CPS1: variants seen among roughly 807,000 people sequenced by gnomAD.
The protein encoded by CPS1 is carbamoyl-phosphate synthase [ammonia], mitochondrial.
Under a neutral mutation model 174.6 loss-of-function variants are expected in CPS1, and 109 were observed. The ratio of observed to expected loss-of-function variants is 0.62; its 90% CI spans 0.53 to 0.73. The LOEUF (loss-of-function observed/expected upper bound fraction) is 0.73. Ranked by LOEUF, CPS1 falls within the 30% of genes least tolerant of loss-of-function variation. The pLI is 0.00. For synonymous variants in CPS1, 637 were observed against 632.0 expected (o/e 1.01, Z -0.12); for missense variants, 1,689 against 1,821.9 (o/e 0.93, Z 1.33).
intron 1 of CPS1, among the ~76,000 whole-genome samples, chr2:210,516,955 C>T (rs1185967993): frequency 2.0e-5 from 3 of 151,910 alleles, no homozygotes; most frequent in East Asian, 1.9e-4. Flanking sequence ...AAAATATTAG[C>T]TTGCTTTTTC....
chr2:210,489,720 A>T (rs918990809), intron 1 of CPS1, among the ~76,000 whole-genome samples: 3 of 152,226 alleles, frequency 2.0e-5, no homozygotes, highest in African/African-American at 7.2e-5. Context: ...GCTTTCTTCC[A>T]TACTATTATA....
chr2:210,515,507 G>A (rs1026897906), intron 1 of CPS1, among the ~76,000 whole-genome samples: 3 of 151,188 alleles, frequency 2.0e-5, no homozygotes, highest in Non-Finnish European at 4.4e-5. Flanking sequence ...GTTCATAGTC[G>A]TCTCTGAGAA....
intron 25 of CPS1, among the ~76,000 whole-genome samples, chr2:210,646,682 C>T (rs756545183): frequency 1.2e-4 from 19 of 152,102 alleles, no homozygotes; most frequent in Admixed American, 2.6e-4. Flanking sequence ...TATACACTTA[C>T]GGTATATAGG....
At chr2:210,604,611 C>T (rs547887509) in intron 16 of CPS1, among the ~76,000 whole-genome samples, 8 of 151,998 alleles carry the variant, frequency 5.3e-5, no homozygotes, top group African/African-American at 1.9e-4. Flanking sequence ...CTTGGCTAAC[C>T]GTTTACAACC....
intron 7 of CPS1, among the ~76,000 whole-genome samples, chr2:210,589,091 C>G (rs1698201928): frequency 6.6e-6 from 1 of 152,032 alleles, no homozygotes; most frequent in African/African-American, 2.4e-5. Flanking sequence ...CAGTGTTTAA[C>G]CACCCTGGCT....
chr2:210,668,823 C>T lies in CPS1; in HGVS notation c.4101+539C>T, dbSNP rs1460050333. ...GCTGGATACCTCCACTTGAATATCT[C>T]AAATCCAACGTTTCTCAAACTGAAG... On this transcript the variant is annotated intron_variant, in intron 34 of 37. Coordinates refer to ENST00000233072, the MANE Select transcript of CPS1 (RefSeq NM_001875.5). Among the ~76,000 whole-genome samples, 3 of 152,258 alleles carry T rather than the reference C, an allele frequency of 2.0e-5. No individual in the cohort carries two copies. The South Asian group carries it at 6.2e-4, about 32-fold the overall frequency.
chr2:210,505,101 T>G (rs945628157), intron 1 of CPS1, among the ~76,000 whole-genome samples: 1 of 152,014 alleles, frequency 6.6e-6, no homozygotes, highest in Non-Finnish European at 1.5e-5. Flanking sequence ...TAATTCATGC[T>G]GTATTGGGCA....
intron 1 of CPS1, among the ~76,000 whole-genome samples, chr2:210,563,652 T>G (rs1482459830): frequency 3.3e-5 from 5 of 152,216 alleles, no homozygotes; most frequent in Non-Finnish European, 7.3e-5. Flanking sequence ...GCTGATGGGT[T>G]GTGAAACAAT....
intron 34 of CPS1, among the ~76,000 whole-genome samples, chr2:210,671,218 C>T (rs1287796043): frequency 1.3e-5 from 2 of 152,122 alleles, no homozygotes; most frequent in African/African-American, 2.4e-5. Context: ...TGTGGAGTGG[C>T]AAGTACCAAT....
chr2:210,623,798 T>C (rs1015228771), intron 21 of CPS1, among the ~76,000 whole-genome samples: 3 of 152,160 alleles, frequency 2.0e-5, no homozygotes, highest in African/African-American at 7.2e-5. Flanking sequence ...TGCTAACTTC[T>C]ATTGACTTTT....
chr2:210,558,109 G>T (rs1358992757), intron 1 of CPS1, among the ~76,000 whole-genome samples: 1 of 151,964 alleles, frequency 6.6e-6, no homozygotes, highest in Non-Finnish European at 1.5e-5. Context: ...AGCCTTAGTG[G>T]TGTGTTAACA....
intron 1 of CPS1, among the ~76,000 whole-genome samples, chr2:210,501,846 C>T (rs1287928843): frequency 6.6e-6 from 1 of 152,172 alleles, no homozygotes; most frequent in East Asian, 1.9e-4. Flanking sequence ...TTTCAGCTAT[C>T]TTTACAGCAG....
intron 1 of CPS1, among the ~76,000 whole-genome samples, chr2:210,493,024 A>G (rs1694909519): frequency 6.6e-6 from 1 of 152,220 alleles, no homozygotes; most frequent in Non-Finnish European, 1.5e-5. Context: ...TATCTGTGAT[A>G]AAGTCACAGG....
At chr2:210,508,208 C>T (rs1008762922) in intron 1 of CPS1, among the ~76,000 whole-genome samples, 4 of 151,360 alleles carry the variant, frequency 2.6e-5, no homozygotes, top group Non-Finnish European at 5.9e-5. Context: ...CAAACTAGAA[C>T]TCAGGATTAA....
chr2:210,626,119 A>G (rs1699690823), intron 21 of CPS1, among the ~76,000 whole-genome samples: 2 of 152,114 alleles, frequency 1.3e-5, no homozygotes, highest in Non-Finnish European at 2.9e-5. Flanking sequence ...TTAGCAAAAA[A>G]TTGTGTTAAT....
intron 28 of CPS1, 125 bp downstream of exon 28, chr2:210,650,563 C>T (rs1700529790): frequency 1.3e-6 from 1 of 792,710 alleles, no homozygotes. Context: ...TTTCTTTTCA[C>T]ACAATGTGTT....
At chr2:210,588,260 T>A (rs1436040223) in intron 7 of CPS1, 113 bp downstream of exon 7, 2 of 876,490 alleles carry the variant, frequency 2.3e-6, no homozygotes, top group Non-Finnish European at 1.9e-6. Context: ...GTCAGGGGTC[T>A]ACATTCTTCT....
rs116391327 is a variant in CPS1 at position 210,551,203 on chromosome 2, T to C, written c.4-5516T>C. ...CCTTTGGGTGCACTTTGTGTTTGGC[T>C]ATGTCTTCAATTTTCCAAAGTCACT... On this transcript the variant is annotated intron_variant, in intron 1 of 38. Transcript: ENST00000430249. Among the ~76,000 whole-genome samples, 1,065 of 152,064 alleles carry C rather than the reference T, an allele frequency of 7.0e-3. 13 individuals are homozygous for C. Among genetic ancestry groups the C allele is most frequent in the African/African-American group, 0.024 (1,000 of 41,534 alleles).
intron 1 of CPS1, among the ~76,000 whole-genome samples, chr2:210,535,066 A>G (rs751807633): frequency 6.6e-6 from 1 of 152,222 alleles, no homozygotes; most frequent in Non-Finnish European, 1.5e-5. Context: ...CTCTTTCGGC[A>G]ACAGGCCCAC....
Sources: gnomAD v4.1 joint callset for allele counts (sites outside exome capture counted in the v4.1 genomes callset) on GRCh38, gnomAD v4.1.1 for gene constraint, MANE v1.5 for transcripts, NCBI Gene and HGNC (gene_info 2026-07-23, HGNC 2026-07-21) for gene names.